The following TENM1 variants were observed in gnomAD, a reference collection of about 807,000 sequenced individuals.
TENM1 encodes teneurin-1.
A neutral mutation model predicts 174.8 loss-of-function variants in TENM1; 35 were observed. The observed-to-expected ratio is 0.20, with a 90% CI of 0.15 to 0.27. TENM1 has a LOEUF of 0.27. Ranked by LOEUF, TENM1 falls within the 10% of genes least tolerant of loss-of-function variation. The probability of loss-of-function intolerance (pLI) is 1.00; values close to 1 mark genes in which losing one functional copy is unlikely to be tolerated. For missense variants in TENM1, 1,633 were observed against 2,130.1 expected, an observed-to-expected ratio of 0.77 and a Z score of 4.59; for synonymous variants, 781 against 798.7, an observed-to-expected ratio of 0.98 and a Z score of 0.37.
intron 20 of TENM1, among the ~76,000 whole-genome samples, chrX:124,496,364 A>G (rs1474132125): frequency 8.9e-6 from 1 of 112,141 alleles, no homozygotes; most frequent in Admixed American, 9.4e-5. Flanking sequence ...CAGTCAATTT[A>G]GTCATAATCT....
chrX:125,120,926 T>C, the TENM1 span, among the ~76,000 whole-genome samples: 1 of 111,376 alleles, frequency 9.0e-6, no homozygotes, highest in African/African-American at 3.3e-5. Flanking sequence ...ATTTTTCTCA[T>C]TATGGCATGA....
intron 3 of TENM1, among the ~76,000 whole-genome samples, chrX:124,830,696 T>G (rs189853461): frequency 8.9e-6 from 1 of 111,875 alleles, no homozygotes; most frequent in Admixed American, 9.5e-5. Context: ...TAAGTCTGCG[T>G]GTGAACTCAT....
At chrX:125,195,951 T>C in the TENM1 span, among the ~76,000 whole-genome samples, 1 of 99,711 alleles carries the variant, frequency 1.0e-5, no homozygotes, top group East Asian at 3.0e-4. Context: ...AACCCAAACC[T>C]TAAAAGTAGT....
intron 3 of TENM1, among the ~76,000 whole-genome samples, chrX:124,772,419 G>A (rs1316960131): frequency 8.9e-6 from 1 of 112,068 alleles, no homozygotes; most frequent in East Asian, 2.8e-4. Context: ...ACAAGCGTGA[G>A]CCACCGTTCC....
the TENM1 span, among the ~76,000 whole-genome samples, chrX:125,189,565 T>A: frequency 8.9e-6 from 1 of 111,912 alleles, no homozygotes; most frequent in Non-Finnish European, 1.9e-5. Flanking sequence ...CATTAAGAGA[T>A]CATCTAGCCC....
chrX:125,009,950 G>T, the TENM1 span, among the ~76,000 whole-genome samples: 3 of 111,631 alleles, frequency 2.7e-5, no homozygotes, highest in Non-Finnish European at 5.6e-5. Context: ...AAAGCTGGAG[G>T]CATTCCCTTT....
At chrX:125,099,551 T>C in the TENM1 span, among the ~76,000 whole-genome samples, 2 of 111,875 alleles carry the variant, frequency 1.8e-5, no homozygotes, top group Admixed American at 9.5e-5. Flanking sequence ...AGTTCTGCCC[T>C]CTACAGCACA....
the TENM1 span, among the ~76,000 whole-genome samples, chrX:125,049,378 T>C: frequency 1.8e-5 from 2 of 112,393 alleles, no homozygotes; most frequent in Admixed American, 9.5e-5. Flanking sequence ...CTTAGCATAA[T>C]GTTTTCTAGG....
At chrX:124,586,304 C>T (rs972547629) in intron 11 of TENM1, among the ~76,000 whole-genome samples, 17 of 109,255 alleles carry the variant, frequency 1.6e-4, no homozygotes, top group Non-Finnish European at 2.9e-4. Context: ...TACTGGCAAA[C>T]CGAATCCAGC....
chrX:125,098,468 A>C, the TENM1 span, among the ~76,000 whole-genome samples: 1 of 111,942 alleles, frequency 8.9e-6, no homozygotes, highest in Non-Finnish European at 1.9e-5. Context: ...TTGCGTTTGT[A>C]GTTGGCATTT....
chrX:124,441,002 G>A (rs1052659117), intron 23 of TENM1, among the ~76,000 whole-genome samples: 3 of 111,937 alleles, frequency 2.7e-5, no homozygotes, highest in Middle Eastern at 4.6e-3. Flanking sequence ...ACTTCTGATC[G>A]GCTCCAACAA....
chrX:125,053,269 C>T, the TENM1 span, among the ~76,000 whole-genome samples: 21 of 111,413 alleles, frequency 1.9e-4, no homozygotes, highest in Non-Finnish European at 3.4e-4. Context: ...GGTAGCTAAC[C>T]TGTAAAAATG....
At chrX:125,078,613 G>A in the TENM1 span, among the ~76,000 whole-genome samples, 1 of 111,120 alleles carries the variant, frequency 9.0e-6, no homozygotes, top group African/African-American at 3.3e-5. Context: ...CTTAATTGCA[G>A]GTTCCATTTA....
At chrX:124,703,550 A>C (rs1232319365) in intron 5 of TENM1, among the ~76,000 whole-genome samples, 4 of 112,084 alleles carry the variant, frequency 3.6e-5, no homozygotes, top group Non-Finnish European at 7.5e-5. Context: ...CTAAAACATT[A>C]TCTCTCTATA....
the TENM1 span, among the ~76,000 whole-genome samples, chrX:124,981,487 A>G: frequency 8.9e-6 from 1 of 111,804 alleles, no homozygotes. Flanking sequence ...TTTGTGACAT[A>G]TGGCATGCTT....
intron 3 of TENM1, among the ~76,000 whole-genome samples, chrX:124,867,685 G>A (rs1316629305): frequency 8.9e-6 from 1 of 111,775 alleles, no homozygotes; most frequent in Non-Finnish European, 1.9e-5. Context: ...AATTGGAAAG[G>A]ACGAAGTGAA....
At chrX:125,140,549 G>A in the TENM1 span, among the ~76,000 whole-genome samples, 1 of 111,483 alleles carries the variant, frequency 9.0e-6, no homozygotes, top group Non-Finnish European at 1.9e-5. Flanking sequence ...GATGACTATA[G>A]CTAGCTAACA....
the TENM1 span, among the ~76,000 whole-genome samples, chrX:125,117,010 C>CAA: frequency 1.2e-3 from 59 of 47,267 alleles, no homozygotes; most frequent in African/African-American, 3.1e-3. Context: ...GACTCTGTCT[C>CAA]AAAAAAAAAA....
At chrX:124,780,793 G>A (rs948650958) in intron 3 of TENM1, among the ~76,000 whole-genome samples, 3 of 111,585 alleles carry the variant, frequency 2.7e-5, no homozygotes, top group Admixed American at 9.5e-5. Flanking sequence ...ATATTAACAC[G>A]ACTTGGTCCC....
Sources: gnomAD v4.1 joint callset for allele counts (sites outside exome capture counted in the v4.1 genomes callset) on GRCh38, gnomAD v4.1.1 for gene constraint, MANE v1.5 for transcripts, NCBI Gene and HGNC (gene_info 2026-07-23, HGNC 2026-07-21) for gene names.